Variants in XPNPEP3 observed in about 807,000 individuals in gnomAD.
XPNPEP3 encodes xaa-Pro aminopeptidase 3.
Under a neutral mutation model 60.0 loss-of-function variants are expected in XPNPEP3, and 41 were observed. That is an observed-to-expected ratio of 0.68 (90% CI 0.53 to 0.89). The LOEUF (loss-of-function observed/expected upper bound fraction) is 0.89. Among genes scored for constraint, XPNPEP3 ranks in the 40% least tolerant of loss-of-function variants. The pLI is 0.00. For synonymous variants in XPNPEP3, 212 were observed against 223.2 expected, an observed-to-expected ratio of 0.95 and a Z score of 0.45; for missense variants, 598 against 638.9, an observed-to-expected ratio of 0.94 and a Z score of 0.69.
intron 1 of XPNPEP3, among the ~76,000 whole-genome samples, chr22:40,858,030 A>T (rs1293118952): frequency 6.6e-6 from 1 of 152,214 alleles, no homozygotes; most frequent in Non-Finnish European, 1.5e-5. Flanking sequence ...CAGTGCACAG[A>T]ACTTGTTCTT....
chr22:40,886,482 A>G lies in XPNPEP3; in HGVS notation c.759A>G (p.Glu253=). 1.2e-6 allele frequency: 2 copies of G among 1,614,038 alleles called. No homozygotes were observed. The highest frequency in any genetic ancestry group is 1.7e-6 in the Non-Finnish European group (2 of 1,179,994). ...TGATCAAGTCTCCTGCAGAAATTGA[A>G]CGAATGCAGATTGCTGGGAAGCTGA... ...LRLIKSPAEI[E]RMQIAGKLTS... Residue 253 remains glutamate, a synonymous_variant, in exon 4 of 10, where the codon GAA becomes GAG. Transcript: ENST00000357137.
chr22:40,888,855 A>T (rs1002606839), intron 4 of XPNPEP3, among the ~76,000 whole-genome samples: 2 of 152,088 alleles, frequency 1.3e-5, no homozygotes, highest in Non-Finnish European at 2.9e-5. Context: ...AAGGGTTTCA[A>T]TTTCTCCACT....
At position 40,926,285 on chromosome 22, in the gene XPNPEP3, G is replaced by GGATGACAAA; in HGVS notation, c.1379_1387dup (p.Asp460_Asp462dup). 1 of 1,614,096 alleles carries GGATGACAAA rather than the reference G, an allele frequency of 6.2e-7. No individual in the cohort carries two copies. The highest frequency in any genetic ancestry group is 8.5e-7 in the Non-Finnish European group (1 of 1,180,008). ...ACTTCACAGGCATTTATATTCCAGA[G>GGATGACAAA]GATGACAAAGATGCCCCAGAGAAGT... On this transcript the variant is annotated inframe_insertion, in exon 10 of 10. Transcript: ENST00000357137.
chr22:40,862,458 A>ATTTTT lies in XPNPEP3; in HGVS notation c.64+5213_64+5214insTTTTT, dbSNP rs1292563007. 10 of 986,590 alleles carry ATTTTT rather than the reference A, an allele frequency of 1.0e-5. No homozygotes were observed. The Admixed American group carries it at 6.1e-4, about 61-fold the overall frequency. The allele number at this position is 986,590 out of a possible 1,614,324, so 61.1% of individuals were successfully genotyped here. A position where few individuals can be genotyped will look rare whatever the true frequency, so the allele number is the denominator to read the frequency against. On this transcript the variant is annotated intron_variant, in intron 1 of 9. Coordinates refer to ENST00000357137, the MANE Select transcript of XPNPEP3 (RefSeq NM_022098.4). ...TTTGGTTTAGAAAAATGAAGTACTG[A>ATTTTT]CTTACGGGTGAAGAAAGTATTCAAA...
chr22:40,907,577 C>T lies in XPNPEP3; in HGVS notation c.793-10C>T. On this transcript the variant is annotated splice_polypyrimidine_tract_variant and intron_variant, in intron 4 of 9. Coordinates refer to ENST00000357137, the MANE Select transcript of XPNPEP3 (RefSeq NM_022098.4). The stretch of plus-strand genomic sequence containing the variant: ...GATCGTGTTCTTTTCATCCTCCTTT[C>T]TCTTTGCAGGCTTTCATAGAAACCA... 1 of 1,613,218 alleles carries T rather than the reference C, an allele frequency of 6.2e-7. No individual in the cohort carries two copies. The highest frequency in any genetic ancestry group is 8.5e-7 in the Non-Finnish European group (1 of 1,179,212).
rs1471537964 is a variant in XPNPEP3, at chr22:40,881,773, A to C, written c.185A>C (p.Glu62Ala). ...FTHPHLLRPG[E>A]VTPGLSQVEY... ...CCCTTTTATTTGTCATTTCTAGGGG[A>C]GGTAACTCCAGGACTATCTCAGGTG... Residue 62 changes from glutamate to alanine, a missense_variant, in exon 3 of 10, where the codon GAG becomes GCG. Transcript: ENST00000357137. 1.2e-6 allele frequency: 2 copies of C among 1,613,978 alleles called. No individual in the cohort carries two copies. Among genetic ancestry groups the C allele is most frequent in the Non-Finnish European group, 1.7e-6 (2 of 1,179,922 alleles).
In XPNPEP3 at chr22:40,932,672, T is replaced by C. The variant is rs753768301; in HGVS notation, c.*6237T>C. ...CATTTCTTAATGCTTTCCATGACTT[T>C]TGTGCAATTATATAAGTTCAGTTTA... is the stretch of plus-strand genomic sequence containing the variant. On this transcript the variant is annotated 3_prime_UTR_variant, in exon 10 of 10. Coordinates refer to ENST00000357137, the MANE Select transcript of XPNPEP3 (RefSeq NM_022098.4). The C allele has an allele frequency of 1.3e-5, 2 of 152,210 alleles. No homozygotes were observed. Among genetic ancestry groups the C allele is most frequent in the African/African-American group, 4.8e-5 (2 of 41,454 alleles). 9.4% of individuals were successfully genotyped at this position (152,210 alleles called of 1,614,324 possible). A position where few individuals can be genotyped will look rare whatever the true frequency, so the allele number is the denominator to read the frequency against.
At chr22:40,905,767 T>C (rs1266626177) in intron 4 of XPNPEP3, among the ~76,000 whole-genome samples, 1 of 152,156 alleles carries the variant, frequency 6.6e-6, no homozygotes, top group East Asian at 1.9e-4. Context: ...GGCAATGCCG[T>C]TCAACCTCAT....
At chr22:40,892,745 C>T (rs558569611) in intron 4 of XPNPEP3, among the ~76,000 whole-genome samples, 4 of 152,170 alleles carry the variant, frequency 2.6e-5, no homozygotes, top group South Asian at 4.1e-4. Flanking sequence ...GTAGTCACAC[C>T]TAAATAGACT....
At chr22:40,870,120 G>C (rs1364442115) in intron 2 of XPNPEP3, 2 of 470,556 alleles carry the variant, frequency 4.3e-6, no homozygotes, top group Non-Finnish European at 4.4e-6. Context: ...CAAGAAATCA[G>C]AGTTTTTCAA....
intron 4 of XPNPEP3, among the ~76,000 whole-genome samples, chr22:40,889,299 A>G (rs2058080632): frequency 6.6e-6 from 1 of 152,172 alleles, no homozygotes; most frequent in South Asian, 2.1e-4. Flanking sequence ...CACTAAGATC[A>G]CAGGCATGAG....
intron 2 of XPNPEP3, among the ~76,000 whole-genome samples, chr22:40,874,872 A>G (rs1001917337): frequency 1.3e-5 from 2 of 152,190 alleles, no homozygotes; most frequent in African/African-American, 4.8e-5. Flanking sequence ...TAAAGCAGAG[A>G]ATGTGCCTTC....
chr22:40,886,826 CAAA>C (rs1244520436), intron 4 of XPNPEP3, among the ~76,000 whole-genome samples: 1 of 61,948 alleles, frequency 1.6e-5, no homozygotes, highest in Non-Finnish European at 3.7e-5. Flanking sequence ...GACTCCATCT[CAAA>C]AAAAAAAAAA....
intron 1 of XPNPEP3, chr22:40,862,854 C>G (rs2057958412): frequency 1.8e-6 from 1 of 563,328 alleles, no homozygotes. Flanking sequence ...ACAAAAGACA[C>G]CAGTTTTCCT....
rs1015375956 is a variant in XPNPEP3 at position 40,909,189 on chromosome 22, A to G, written c.923A>G (p.Asn308Ser). ...LAYPPVVAGG[N>S]RSNTLHYVKN... is the part of the protein sequence containing the mutation. ...TATCCACCTGTGGTGGCTGGTGGTAATCGGTCAAACACTTTGCACTATGTG... is the reference window on the plus strand; with the variant it reads ...TATCCACCTGTGGTGGCTGGTGGTAGTCGGTCAAACACTTTGCACTATGTG... Residue 308 changes from asparagine to serine, a missense_variant, in exon 6 of 10, where the codon AAT becomes AGT. Physicochemically the swap from Asn to Ser is conservative, Grantham distance 46. Coordinates refer to ENST00000357137, the MANE Select transcript of XPNPEP3 (RefSeq NM_022098.4). 6.2e-7 allele frequency: 1 copy of G among 1,614,056 alleles called. No individual in the cohort carries two copies. Among genetic ancestry groups the G allele is most frequent in the African/African-American group, 1.3e-5 (1 of 74,928 alleles).
In XPNPEP3 at chr22:40,861,458, A is replaced by ACT. The variant is rs753434839; in HGVS notation, c.64+4214_64+4215dup. 4 of 1,614,004 alleles carry ACT rather than the reference A, an allele frequency of 2.5e-6. No individual in the cohort carries two copies. In the African/African-American group the frequency reaches 5.3e-5, roughly 22 times the overall value. On this transcript the variant is annotated intron_variant, in intron 1 of 9. Transcript: ENST00000357137. ...TAACAGATATGTAGTTGTCCATCCCACTATTATCAAAAGCCAGGGAAGAGA... is the reference window on the plus strand; with the variant it reads ...TAACAGATATGTAGTTGTCCATCCCACTCTATTATCAAAAGCCAGGGAAGAGA...
chr22:40,911,714 A>AT (rs2058177988), intron 6 of XPNPEP3, among the ~76,000 whole-genome samples: 1 of 151,694 alleles, frequency 6.6e-6, no homozygotes, highest in Admixed American at 6.6e-5. Context: ...CTATTTTTGT[A>AT]TTTTTAGTAG....
rs972942914 is a variant in XPNPEP3 at position 40,929,906 on chromosome 22, A to G, written c.*3471A>G. The G allele has an allele frequency of 3.9e-5, 6 of 152,136 alleles. No individual in the cohort carries two copies. The highest frequency in any genetic ancestry group is 8.8e-5 in the Non-Finnish European group (6 of 68,046). 9.4% of individuals were successfully genotyped at this position (152,136 alleles called of 1,614,324 possible). On this transcript the variant is annotated 3_prime_UTR_variant, in exon 10 of 10. Coordinates refer to ENST00000357137, the MANE Select transcript of XPNPEP3 (RefSeq NM_022098.4). ...GATATCAAATAATTTTATTTTTCTA[A>G]TAGTATTTTCCAAATATTTCTTAAA... is the stretch of plus-strand genomic sequence containing the variant.
chr22:40,894,253 A>G (rs1184406317), intron 4 of XPNPEP3, among the ~76,000 whole-genome samples: 1 of 152,154 alleles, frequency 6.6e-6, no homozygotes, highest in Non-Finnish European at 1.5e-5. Context: ...GTTAAAGCAA[A>G]GAGAGAATAT....
Sources: allele counts gnomAD v4.1 joint callset (sites outside exome capture counted in the v4.1 genomes callset), GRCh38; gene constraint gnomAD v4.1.1; transcripts MANE v1.5; gene names NCBI Gene and HGNC (gene_info 2026-07-23, HGNC 2026-07-21).